C5orf52: variants seen among roughly 807,000 people sequenced by gnomAD.
C5orf52 encodes the protein uncharacterized protein C5orf52.
In C5orf52, 15 loss-of-function variants were observed where a neutral mutation model predicts 16.8. The observed-to-expected ratio is 0.89, with a 90% confidence interval of 0.60 to 1.38. The LOEUF (loss-of-function observed/expected upper bound fraction) is 1.38. C5orf52 is among the 40% of genes most tolerant of loss of function. C5orf52 has a pLI of 0.00. For synonymous variants in C5orf52, 83 were observed against 87.2 expected (o/e 0.95, Z 0.27); for missense variants, 206 against 213.1 (o/e 0.97, Z 0.21).
intron 2 of C5orf52, among the ~76,000 whole-genome samples, chr5:157,675,413 GAA>G (rs1759876756): frequency 6.6e-6 from 1 of 152,174 alleles, no homozygotes; most frequent in Non-Finnish European, 1.5e-5. Context: ...GAGCCAGAGA[GAA>G]AGACTCCATG....
At chr5:157,678,261 G>T (rs1759943484) in intron 2 of C5orf52, among the ~76,000 whole-genome samples, 1 of 152,100 alleles carries the variant, frequency 6.6e-6, no homozygotes, top group African/African-American at 2.4e-5. Flanking sequence ...AATATTGACT[G>T]GCCTTTATGA....
chr5:157,676,861 CTTTTTTTTTCT>C (rs1561595802), intron 2 of C5orf52, among the ~76,000 whole-genome samples: 5 of 134,876 alleles, frequency 3.7e-5, no homozygotes, highest in Non-Finnish European at 4.7e-5. Flanking sequence ...TTTTAATTTC[CTTTTTTTTTCT>C]TTTTTTTTTT....
rs1189819815 is a variant in C5orf52, at chr5:157,671,747, C to A, written c.133C>A (p.Arg45Ser). Residue 45 changes from arginine to serine, a missense_variant, in exon 1 of 3, where the codon CGC (arginine) becomes AGC (serine). Physicochemically the swap from Arg to Ser is moderately radical, Grantham distance 110. Transcript: ENST00000409999. ...CTACCAGCGCGATAGACTCGGCCGCCGCCCAGAAATCGGCGTAGGGGGTCA... is the reference window on the plus strand; with the variant it reads ...CTACCAGCGCGATAGACTCGGCCGCAGCCCAGAAATCGGCGTAGGGGGTCA... ...SNYQRDRLGR[R>S]PEIGVGGQPQ... The A allele has an allele frequency of 6.4e-7, 1 of 1,551,162 alleles. No individual in the cohort carries two copies. The highest frequency in any genetic ancestry group is 8.7e-7 in the Non-Finnish European group (1 of 1,146,826).
At chr5:157,672,596 A>T (rs1759817720) in intron 1 of C5orf52, among the ~76,000 whole-genome samples, 1 of 152,080 alleles carries the variant, frequency 6.6e-6, no homozygotes, top group Non-Finnish European at 1.5e-5. Flanking sequence ...GTGTTTGAGC[A>T]TCTTGATCTC....
chr5:157,674,948 G>A (rs1478007271), intron 1 of C5orf52, 144 bp from the exon 2 acceptor site: 17 of 598,964 alleles, frequency 2.8e-5, no homozygotes, highest in Non-Finnish European at 1.2e-5. Flanking sequence ...TTACTCCCCT[G>A]TTCTTTTGAA....
chr5:157,677,407 G>A lies in C5orf52; in HGVS notation c.321+2207G>A, dbSNP rs770492186. ...GTGGTAAGCCAGGGTGGTGGCTCAC[G>A]CACTTTGGAAGGCCGAGGCGGGCGG... On this transcript the variant is annotated intron_variant, in intron 2 of 2. Transcript: ENST00000409999. Among the ~76,000 whole-genome samples, 115 of 152,242 alleles carry A rather than the reference G, an allele frequency of 7.6e-4. No homozygotes were observed. The Middle Eastern group carries it at 0.02, about 27-fold the overall frequency.
At chr5:157,671,051 C>T (rs1759770731), upstream of C5orf52, among the ~76,000 whole-genome samples, 1 of 152,116 alleles carries the variant, frequency 6.6e-6, no homozygotes, top group African/African-American at 2.4e-5. Flanking sequence ...CAGGAGATGG[C>T]GGATTCATTC....
Position 157,671,590 on chromosome 5 carries a change from C to T in C5orf52, c.-25C>T. Reference sequence around the variant, plus strand: ...CTGGCAACCAGCCACCAGTTTCCAACTCTTTCTCCAACAGGGAAGCCGCAA... The same window carrying T: ...CTGGCAACCAGCCACCAGTTTCCAATTCTTTCTCCAACAGGGAAGCCGCAA... On this transcript the variant is annotated 5_prime_UTR_variant, in exon 1 of 3. Coordinates refer to ENST00000409999, the MANE Select transcript of C5orf52 (RefSeq NM_001145132.2). The T allele has an allele frequency of 6.5e-7, 1 of 1,534,798 alleles. No individual in the cohort carries two copies. The highest frequency in any genetic ancestry group is 8.8e-7 in the Non-Finnish European group (1 of 1,138,436).
At chr5:157,679,688 T>C (rs1210488904) in intron 2 of C5orf52, among the ~76,000 whole-genome samples, 153 bp from the exon 3 acceptor site, 1 of 152,168 alleles carries the variant, frequency 6.6e-6, no homozygotes, top group Non-Finnish European at 1.5e-5. Context: ...AAATAGGCTC[T>C]CTGTGAGTCA....
intron 2 of C5orf52, 75 bp from the exon 3 acceptor site, chr5:157,679,766 C>G (rs1385004273): frequency 4.3e-6 from 6 of 1,398,576 alleles, no homozygotes; most frequent in Non-Finnish European, 5.8e-6. Context: ...GCACAGATGT[C>G]TGCCCTGCTG....
chr5:157,676,199 A>G (rs1759891502), intron 2 of C5orf52, among the ~76,000 whole-genome samples: 1 of 152,088 alleles, frequency 6.6e-6, no homozygotes, highest in Admixed American at 6.5e-5. Flanking sequence ...CACCCTCCCA[A>G]GTAGCTGGAA....
chr5:157,679,770 C>G, intron 2 of C5orf52, 71 bp from the exon 3 acceptor site: 1 of 1,413,808 alleles, frequency 7.1e-7, no homozygotes, highest in Non-Finnish European at 9.5e-7. Context: ...AGATGTCTGC[C>G]CTGCTGCGAA....
intron 2 of C5orf52, among the ~76,000 whole-genome samples, chr5:157,678,916 C>T (rs542477308): frequency 3.3e-5 from 5 of 151,954 alleles, no homozygotes; most frequent in Middle Eastern, 3.4e-3. Context: ...GGGTGGATCA[C>T]GAGGTCAGGA....
chr5:157,675,467 T>C (rs1040252265), intron 2 of C5orf52, among the ~76,000 whole-genome samples: 6 of 152,280 alleles, frequency 3.9e-5, no homozygotes, highest in Non-Finnish European at 7.4e-5. Context: ...ATCTCTCTAT[T>C]TAGGGAATCC....
chr5:157,679,651 C>G (rs776741836), intron 2 of C5orf52, among the ~76,000 whole-genome samples, 190 bp from the exon 3 acceptor site: 1 of 152,052 alleles, frequency 6.6e-6, no homozygotes, highest in Non-Finnish European at 1.5e-5. Flanking sequence ...AGTTATCTAG[C>G]TTAATGCATG....
At chr5:157,679,059 A>G (rs957155323) in intron 2 of C5orf52, among the ~76,000 whole-genome samples, 3 of 151,876 alleles carry the variant, frequency 2.0e-5, no homozygotes, top group African/African-American at 7.2e-5. Context: ...GTGTGAACCC[A>G]GGAGGCAGAG....
At chr5:157,673,621 G>T (rs1445590618) in intron 1 of C5orf52, among the ~76,000 whole-genome samples, 2 of 151,524 alleles carry the variant, frequency 1.3e-5, no homozygotes, top group Non-Finnish European at 2.9e-5. Context: ...TGTACATTTT[G>T]TTTCCACATT....
In C5orf52 at chr5:157,680,128, C is replaced by A; in HGVS notation, c.*129C>A. On this transcript the variant is annotated 3_prime_UTR_variant, in exon 3 of 3. Transcript: ENST00000409999. ...ACCTACACAACTGTAGAACAATAAACAGAAACCAGCAGACAGCGGAGCATA... is the reference window on the plus strand; with the variant it reads ...ACCTACACAACTGTAGAACAATAAAAAGAAACCAGCAGACAGCGGAGCATA... 1 of 797,118 alleles carries A rather than the reference C, an allele frequency of 1.3e-6. No homozygotes were observed. Among genetic ancestry groups the A allele is most frequent in the Non-Finnish European group, 2.0e-6 (1 of 507,010 alleles). The allele number at this position is 797,118 out of a possible 1,614,324, so 49.4% of individuals were successfully genotyped here.
At chr5:157,671,296 C>T (rs1759780729), upstream of C5orf52, 3 of 358,036 alleles carry the variant, frequency 8.4e-6, no homozygotes, top group Non-Finnish European at 1.5e-5. Context: ...ACTGCAGTCC[C>T]CACGTCGAAG....
Sources: allele counts gnomAD v4.1 joint callset (sites outside exome capture counted in the v4.1 genomes callset), GRCh38; gene constraint gnomAD v4.1.1; transcripts MANE v1.5; gene names NCBI Gene and HGNC (gene_info 2026-07-23, HGNC 2026-07-21).